Variants in BMERB1 observed in about 807,000 individuals in gnomAD.
The protein encoded by BMERB1 is bMERB domain containing 1.
In BMERB1, 12 loss-of-function variants were observed where a neutral mutation model predicts 23.6. That is an observed-to-expected ratio of 0.51 (90% CI 0.33 to 0.82). BMERB1 has a LOEUF of 0.82. Ranked by LOEUF, BMERB1 falls within the 40% of genes least tolerant of loss-of-function variation. The pLI, the probability that BMERB1 is intolerant of heterozygous loss-of-function variation, is 0.03. For missense variants in BMERB1, 247 were observed against 255.4 expected (o/e 0.97, Z 0.22); for synonymous variants, 122 against 96.6 (o/e 1.26, Z -1.54).
chr16:15,465,542 AG>A (rs2051174024), intron 1 of BMERB1, among the ~76,000 whole-genome samples: 2 of 151,862 alleles, frequency 1.3e-5, no homozygotes, highest in Admixed American at 1.3e-4. Context: ...TAGTAGAGAC[AG>A]GGTTTCACCA....
rs999319108 is a variant in BMERB1, at chr16:15,535,813, G to T, written c.230+20385G>T. ...AGAGGTTTAATTGACTCACAGTTTC[G>T]CATGGCTGGGGAGGCCTCAGGAAAC... On this transcript the variant is annotated intron_variant, in intron 2 of 5. Coordinates refer to ENST00000300006, the MANE Select transcript of BMERB1 (RefSeq NM_033201.3). Among the ~76,000 whole-genome samples, 5 of 151,960 alleles carry T rather than the reference G, an allele frequency of 3.3e-5. 1 individual carries two copies. The highest frequency in any genetic ancestry group is 4.2e-4 in the South Asian group (2 of 4,800).
chr16:15,437,629 T>G (rs1567445159), intron 1 of BMERB1, among the ~76,000 whole-genome samples: 1 of 152,118 alleles, frequency 6.6e-6, no homozygotes, highest in Non-Finnish European at 1.5e-5. Flanking sequence ...TCCTGAAATT[T>G]TTGTACTTCT....
rs182802502 is a variant in BMERB1 at position 15,558,841 on chromosome 16, G to A, written c.231-9142G>A. Among the ~76,000 whole-genome samples the A allele has an allele frequency of 2.1e-3, 321 of 151,380 alleles. 4 individuals carry two copies. The highest frequency in any genetic ancestry group is 7.5e-3 in the African/African-American group (308 of 41,266). ...GGTGGGCTTCATCAGGTTAGCGTTC[G>A]GTTTCGCCATTCTCACGTGAGTGGC... is the stretch of plus-strand genomic sequence containing the variant. On this transcript the variant is annotated intron_variant, in intron 2 of 5. Coordinates refer to ENST00000300006, the MANE Select transcript of BMERB1 (RefSeq NM_033201.3).
chr16:15,522,431 C>CCACACA (rs67864782), intron 2 of BMERB1, among the ~76,000 whole-genome samples: 4 of 149,134 alleles, frequency 2.7e-5, no homozygotes, highest in African/African-American at 7.3e-5. Context: ...GTGTTGAAAA[C>CCACACA]CACACACACA....
intron 1 of BMERB1, among the ~76,000 whole-genome samples, chr16:15,509,281 C>T (rs567256179): frequency 1.6e-5 from 2 of 126,338 alleles, no homozygotes; most frequent in South Asian, 2.7e-4. Flanking sequence ...TCAGCCCTCA[C>T]CAGGAGGCTG....
chr16:15,507,532 A>T (rs937565365), intron 1 of BMERB1, among the ~76,000 whole-genome samples: 1 of 152,122 alleles, frequency 6.6e-6, no homozygotes, highest in African/African-American at 2.4e-5. Flanking sequence ...CTGTCTCCAC[A>T]CAGCAAGCAA....
chr16:15,490,634 C>T (rs547819814), intron 1 of BMERB1, among the ~76,000 whole-genome samples: 185 of 152,224 alleles, frequency 1.2e-3, no homozygotes, highest in Middle Eastern at 3.4e-3. Context: ...ATCCTGGGTG[C>T]GTGTGCCCAG....
chr16:15,466,424 T>C (rs1228277461), intron 1 of BMERB1, among the ~76,000 whole-genome samples: 4 of 152,326 alleles, frequency 2.6e-5, no homozygotes, highest in South Asian at 4.1e-4. Context: ...CCTTTTTTTT[T>C]CTATTGTGTT....
intron 1 of BMERB1, among the ~76,000 whole-genome samples, chr16:15,512,729 A>AT (rs1169572748): frequency 6.6e-6 from 1 of 151,690 alleles, no homozygotes; most frequent in Non-Finnish European, 1.5e-5. Context: ...AAATACAAAA[A>AT]TTAGCTGGGC....
chr16:15,472,831 G>A (rs2051241321), intron 1 of BMERB1, among the ~76,000 whole-genome samples: 1 of 150,100 alleles, frequency 6.7e-6, no homozygotes, highest in Admixed American at 6.6e-5. Context: ...CTTTCCTACA[G>A]GTTACTTGAC....
Position 15,558,327 on chromosome 16 carries a change from GGA to G in BMERB1, c.231-9655_231-9654del, listed in dbSNP as rs2030323879. On this transcript the variant is annotated intron_variant, in intron 2 of 5. Transcript: ENST00000300006. ...GAAGATGGAATTTAGGGATCTTTATGGAATAAAGGAGCAGGGTGGTCTAAAGT... is the reference window on the plus strand; with the variant it reads ...GAAGATGGAATTTAGGGATCTTTATGATAAAGGAGCAGGGTGGTCTAAAGT... Among the ~76,000 whole-genome samples the G allele has an allele frequency of 2.0e-5, 3 of 152,230 alleles. No homozygotes were observed. The South Asian group carries it at 6.2e-4, about 32-fold the overall frequency.
intron 1 of BMERB1, among the ~76,000 whole-genome samples, chr16:15,503,941 C>T (rs1281947845): frequency 3.3e-5 from 5 of 152,340 alleles, no homozygotes; most frequent in Non-Finnish European, 7.4e-5. Context: ...ATTGCTCCTT[C>T]CCCATTGCTT....
intron 2 of BMERB1, among the ~76,000 whole-genome samples, chr16:15,563,675 G>C (rs2030489047): frequency 6.6e-6 from 1 of 152,136 alleles, no homozygotes; most frequent in South Asian, 2.1e-4. Flanking sequence ...GAAGTCTTAC[G>C]TGGCTGGAGA....
chr16:15,501,077 A>C (rs959230979), intron 1 of BMERB1, among the ~76,000 whole-genome samples: 3 of 152,152 alleles, frequency 2.0e-5, no homozygotes, highest in Non-Finnish European at 4.4e-5. Context: ...TGAACTGATA[A>C]TCCTTTAGAT....
At chr16:15,499,744 T>TTG (rs1180204310) in intron 1 of BMERB1, among the ~76,000 whole-genome samples, 3 of 152,184 alleles carry the variant, frequency 2.0e-5, no homozygotes, top group African/African-American at 7.2e-5. Flanking sequence ...TTCAGGTTGT[T>TTG]CAGAGCATTT....
At chr16:15,580,549 C>CTTTT (rs35826126) in intron 3 of BMERB1, among the ~76,000 whole-genome samples, 1 of 138,708 alleles carries the variant, frequency 7.2e-6, no homozygotes, top group African/African-American at 2.7e-5. Flanking sequence ...AGCTCAAGTG[C>CTTTT]TTTTTTTTTT....
chr16:15,535,611 C>A (rs1432393121), intron 2 of BMERB1, among the ~76,000 whole-genome samples: 2 of 136,518 alleles, frequency 1.5e-5, no homozygotes, highest in African/African-American at 2.7e-5. Context: ...GATCGTGCCA[C>A]AGTACTCCAG....
intron 2 of BMERB1, among the ~76,000 whole-genome samples, chr16:15,540,991 G>A (rs1286933032): frequency 6.6e-6 from 1 of 151,974 alleles, no homozygotes; most frequent in Non-Finnish European, 1.5e-5. Context: ...GGTCCTGCAA[G>A]TTAAAAGACC....
chr16:15,496,362 C>T (rs560249298), intron 1 of BMERB1, among the ~76,000 whole-genome samples: 18 of 152,222 alleles, frequency 1.2e-4, no homozygotes, highest in African/African-American at 4.3e-4. Context: ...GCCTTATATA[C>T]GATCTGTCAT....
Sources: gnomAD v4.1 joint callset for allele counts (sites outside exome capture counted in the v4.1 genomes callset) on GRCh38, gnomAD v4.1.1 for gene constraint, MANE v1.5 for transcripts, NCBI Gene and HGNC (gene_info 2026-07-23, HGNC 2026-07-21) for gene names.